PLEKHH1: variants seen among roughly 807,000 people sequenced by gnomAD.
PLEKHH1 encodes the protein pleckstrin homology, MyTH4 and FERM domain containing H1.
Under a neutral mutation model 160.0 loss-of-function variants are expected in PLEKHH1, and 104 were observed. The ratio of observed to expected loss-of-function variants is 0.65; its 90% CI spans 0.55 to 0.76. The LOEUF (loss-of-function observed/expected upper bound fraction) is 0.76, where lower values mean the gene tolerates loss of function less well. Ranked by LOEUF, PLEKHH1 falls within the 30% of genes least tolerant of loss-of-function variation. PLEKHH1 has a pLI of 0.00. For synonymous variants in PLEKHH1, 619 were observed against 678.4 expected (o/e 0.91, Z 1.36); for missense variants, 1,427 against 1,724.1 (o/e 0.83, Z 3.05).
chr14:67,558,522 A>G (rs756171081), intron 4 of PLEKHH1, among the ~76,000 whole-genome samples: 1 of 152,218 alleles, frequency 6.6e-6, no homozygotes, highest in Non-Finnish European at 1.5e-5. Flanking sequence ...TGAGTAGCTC[A>G]TAGTTAGAAG....
intron 2 of PLEKHH1, among the ~76,000 whole-genome samples, chr14:67,553,067 C>T (rs907660606): frequency 2.0e-5 from 3 of 152,152 alleles, no homozygotes; most frequent in Admixed American, 1.3e-4. Context: ...GAGGTAAGAC[C>T]CAAGTTTATC....
chr14:67,573,119 G>A lies in PLEKHH1; in HGVS notation c.1729-157G>A, dbSNP rs1210877198. Reference sequence around the variant, plus strand: ...ATTTAGTCCTCTCTGAACCATAGCAGGGCATGGTACTCTGAAAATACACTG... The same window carrying A: ...ATTTAGTCCTCTCTGAACCATAGCAAGGCATGGTACTCTGAAAATACACTG... On this transcript the variant is annotated intron_variant, in intron 11 of 28. Transcript: ENST00000329153. The surrounding 1 kb of genome is among the most constrained non-coding windows in gnomAD (Gnocchi z 4.8). Among the ~76,000 whole-genome samples, 1 of 152,208 alleles carries A rather than the reference G, an allele frequency of 6.6e-6. No homozygotes were observed. The highest frequency in any genetic ancestry group is 2.4e-5 in the African/African-American group (1 of 41,442).
In PLEKHH1 at chr14:67,578,828, C is replaced by A. The variant is rs554438167; in HGVS notation, c.2849+197C>A. On this transcript the variant is annotated intron_variant, in intron 20 of 28. Transcript: ENST00000329153. The surrounding 1 kb of genome is among the most constrained non-coding windows in gnomAD (Gnocchi z 5.0). ...GGGCATGCTTAAGCTTCTCTGCACG[C>A]CAATCCATGTATCCACGGATGTACT... Among the ~76,000 whole-genome samples the A allele has an allele frequency of 6.6e-6, 1 of 152,320 alleles. No individual in the cohort carries two copies. Among genetic ancestry groups the A allele is most frequent in the African/African-American group, 2.4e-5 (1 of 41,564 alleles).
At chr14:67,581,160 C>T (rs1377743458) in intron 23 of PLEKHH1, 122 bp downstream of exon 23, 8 of 656,790 alleles carry the variant, frequency 1.2e-5, no homozygotes, top group East Asian at 2.7e-5. Context: ...ATAACACTGC[C>T]TGGCAGTCAC....
chr14:67,538,496 C>T (rs570845531), intron 1 of PLEKHH1, among the ~76,000 whole-genome samples: 1 of 152,292 alleles, frequency 6.6e-6, no homozygotes, highest in East Asian at 1.9e-4. Flanking sequence ...TCTGCTCATC[C>T]TTGTGCATTT....
At chr14:67,540,200 T>C (rs1234958606) in intron 1 of PLEKHH1, among the ~76,000 whole-genome samples, 4 of 152,220 alleles carry the variant, frequency 2.6e-5, no homozygotes, top group Non-Finnish European at 4.4e-5. Flanking sequence ...TCAAAAATTA[T>C]CAACATTTTA....
chr14:67,567,048 T>C (rs191274260), intron 7 of PLEKHH1, among the ~76,000 whole-genome samples: 8 of 152,260 alleles, frequency 5.3e-5, no homozygotes, highest in Admixed American at 5.2e-4. Flanking sequence ...TAAGGAGATC[T>C]CATCCTGTTT....
chr14:67,564,682 T>C (rs1409680728), intron 7 of PLEKHH1, among the ~76,000 whole-genome samples: 1 of 150,888 alleles, frequency 6.6e-6, no homozygotes, highest in African/African-American at 2.5e-5. Flanking sequence ...GACATTTTTT[T>C]TTTCTTTTCC....
intron 26 of PLEKHH1, among the ~76,000 whole-genome samples, chr14:67,584,607 T>C (rs992092699): frequency 1.7e-4 from 26 of 152,206 alleles, no homozygotes; most frequent in African/African-American, 4.1e-4. Context: ...TATAGATAAT[T>C]ACAGCTCAAA....
chr14:67,571,883 C>A lies in PLEKHH1; in HGVS notation c.1566C>A (p.Ser522Arg), dbSNP rs764836738. The A allele has an allele frequency of 3.7e-6, 6 of 1,611,118 alleles. No homozygotes were observed. Among genetic ancestry groups the A allele is most frequent in the African/African-American group, 1.3e-5 (1 of 74,836 alleles). ...SESRKTSGLG[S>R]PRAIKRGVSM... Reference sequence around the variant, plus strand: ...CCAGGAAGACCAGCGGACTAGGCAGCCCCCGGGCCATCAAGAGAGGTACAG... The same window carrying A: ...CCAGGAAGACCAGCGGACTAGGCAGACCCCGGGCCATCAAGAGAGGTACAG... The change falls in exon 10 of 29, where the codon AGC (serine) becomes AGA (arginine). Residue 522 changes from serine to arginine, a missense_variant. By Grantham distance (110) the Ser-to-Arg change is moderately radical. Around this residue, in one of 6 missense-constraint regions of PLEKHH1, gnomAD observed 831 missense variants for 929.2 expected, o/e 0.89. Transcript: ENST00000329153.
rs2035907239 is a variant in PLEKHH1 at position 67,581,655 on chromosome 14, C to T, written c.3285-414C>T. 3 of 185,074 alleles carry T rather than the reference C, an allele frequency of 1.6e-5. 1 individual carries two copies. The South Asian group carries it at 3.3e-4, about 20-fold the overall frequency. The allele number at this position is 185,074 out of a possible 1,614,324, so 11.5% of individuals were successfully genotyped here. On this transcript the variant is annotated intron_variant, in intron 23 of 28. Coordinates refer to ENST00000329153, the MANE Select transcript of PLEKHH1 (RefSeq NM_020715.3). Reference sequence around the variant, plus strand: ...GACTAAGTACTTCCTATACCAATTCCAGGAAATACAGAAGTAGACATCCTG... The same window carrying T: ...GACTAAGTACTTCCTATACCAATTCTAGGAAATACAGAAGTAGACATCCTG...
chr14:67,541,616 C>T (rs988399645), intron 1 of PLEKHH1, among the ~76,000 whole-genome samples: 1 of 152,182 alleles, frequency 6.6e-6, no homozygotes, highest in African/African-American at 2.4e-5. Flanking sequence ...TTCGCGGTTT[C>T]CTGAGGCTCT....
Position 67,578,272 on chromosome 14 carries a change from G to C in PLEKHH1, c.2751+73G>C. ...CTGCCAGGTGGGAAAGGTGGGAGGA[G>C]GTGACTGGGCAGGTATACGGTGAGC... On this transcript the variant is annotated intron_variant, in intron 19 of 28. Coordinates refer to ENST00000329153, the MANE Select transcript of PLEKHH1 (RefSeq NM_020715.3). This position sits in a 1 kb window ranked among gnomAD's most constrained non-coding sequence, Gnocchi z 5.0. The C allele has an allele frequency of 7.2e-7, 1 of 1,379,370 alleles. No individual in the cohort carries two copies. The highest frequency in any genetic ancestry group is 1.0e-6 in the Non-Finnish European group (1 of 981,796). 85.4% of individuals were successfully genotyped at this position (1,379,370 alleles called of 1,614,324 possible). A position where few individuals can be genotyped will look rare whatever the true frequency, so the allele number is the denominator to read the frequency against.
At chr14:67,550,919 CAG>C (rs1566729858) in intron 2 of PLEKHH1, among the ~76,000 whole-genome samples, 1 of 152,208 alleles carries the variant, frequency 6.6e-6, no homozygotes, top group East Asian at 1.9e-4. Flanking sequence ...GAGATACTAA[CAG>C]TACCTGCCTT....
At chr14:67,554,903 G>A (rs1240953152) in intron 2 of PLEKHH1, among the ~76,000 whole-genome samples, 2 of 152,108 alleles carry the variant, frequency 1.3e-5, no homozygotes, top group African/African-American at 4.8e-5. Flanking sequence ...CAGCAAGACA[G>A]AATTTTTACT....
chr14:67,578,163 C>T lies in PLEKHH1; in HGVS notation c.2715C>T (p.Thr905=), dbSNP rs2035714747. The T allele has an allele frequency of 3.1e-6, 5 of 1,613,814 alleles. No individual in the cohort carries two copies. In the African/African-American group the frequency reaches 4.0e-5, roughly 13 times the overall value. ...TCTACTGCCAACTCATGAAGCAGAC[C>T]AGCTGCCGCCCACCTCAGAAGTACT... ...SEIYCQLMKQ[T]SCRPPQKYSL... Residue 905 remains threonine (T), a synonymous_variant, in exon 19 of 29, where the codon ACC becomes ACT. Transcript: ENST00000329153. This position sits in a 1 kb window ranked among gnomAD's most constrained non-coding sequence, Gnocchi z 5.0.
intron 24 of PLEKHH1, 136 bp from the exon 25 acceptor site, chr14:67,583,605 C>G: frequency 1.7e-6 from 1 of 593,326 alleles, no homozygotes; most frequent in Non-Finnish European, 2.8e-6. Flanking sequence ...AAGCGTTTTT[C>G]TAAAGTATTT....
Position 67,581,130 on chromosome 14 carries a change from G to A in PLEKHH1, c.3284+92G>A, listed in dbSNP as rs775225052. On this transcript the variant is annotated intron_variant, in intron 23 of 28. Transcript: ENST00000329153. ...CCTCGACTAGACAGCCTATCCAGACGGGGGGAGGGACCCACAGATATAACA... is the reference window on the plus strand; with the variant it reads ...CCTCGACTAGACAGCCTATCCAGACAGGGGGAGGGACCCACAGATATAACA... 4.8e-5 allele frequency: 38 copies of A among 794,156 alleles called. 1 individual carries two copies. Among genetic ancestry groups the A allele is most frequent in the South Asian group, 5.8e-5 (4 of 68,480 alleles). 49.2% of individuals were successfully genotyped at this position (794,156 alleles called of 1,614,324 possible). A position where few individuals can be genotyped will look rare whatever the true frequency, so the allele number is the denominator to read the frequency against.
At chr14:67,549,995 G>A (rs909530201) in intron 2 of PLEKHH1, among the ~76,000 whole-genome samples, 2 of 152,168 alleles carry the variant, frequency 1.3e-5, no homozygotes, top group Non-Finnish European at 2.9e-5. Context: ...TCTTTCTAGT[G>A]GATCCCTGGA....
Sources: gnomAD v4.1 joint callset for allele counts (sites outside exome capture counted in the v4.1 genomes callset) on GRCh38, gnomAD v4.1.1 for gene constraint, gnomAD v4.1.1 regional missense constraint, Gnocchi (gnomAD v3.1) non-coding constraint, MANE v1.5 for transcripts, NCBI Gene and HGNC (gene_info 2026-07-23, HGNC 2026-07-21) for gene names.